Variants in NKAIN2 observed in about 807,000 individuals in gnomAD.
The protein encoded by NKAIN2 is sodium/potassium transporting ATPase interacting 2.
A neutral mutation model predicts 32.6 loss-of-function variants in NKAIN2; 14 were observed. The ratio of observed to expected loss-of-function variants is 0.43; its 90% CI spans 0.28 to 0.67. NKAIN2 has a LOEUF of 0.67. Among genes scored for constraint, NKAIN2 ranks in the 30% least tolerant of loss-of-function variants. The probability of loss-of-function intolerance (pLI) is 0.17; values close to 1 mark genes in which losing one functional copy is unlikely to be tolerated. For synonymous variants in NKAIN2, 80 were observed against 87.2 expected, an observed-to-expected ratio of 0.92 and a Z score of 0.46; for missense variants, 198 against 258.3, an observed-to-expected ratio of 0.77 and a Z score of 1.60.
At chr6:124,000,118 C>T (rs972122859) in intron 1 of NKAIN2, among the ~76,000 whole-genome samples, 3 of 152,100 alleles carry the variant, frequency 2.0e-5, no homozygotes, top group African/African-American at 2.4e-5. Flanking sequence ...AACATTTCAT[C>T]GTCTTCCAAA....
intron 1 of NKAIN2, among the ~76,000 whole-genome samples, chr6:124,218,690 A>G (rs999766174): frequency 6.6e-6 from 1 of 152,180 alleles, no homozygotes; most frequent in Non-Finnish European, 1.5e-5. Context: ...TTCTGACATA[A>G]TTCTAATCAA....
intron 3 of NKAIN2, among the ~76,000 whole-genome samples, chr6:124,491,200 C>G (rs1281700712): frequency 2.6e-5 from 4 of 151,750 alleles, no homozygotes; most frequent in African/African-American, 9.7e-5. Context: ...AAAGAGTTAC[C>G]ATTGTGCCCA....
intron 3 of NKAIN2, among the ~76,000 whole-genome samples, chr6:124,599,082 A>G (rs148093100): frequency 6.6e-5 from 10 of 151,458 alleles, no homozygotes; most frequent in African/African-American, 2.4e-4. Flanking sequence ...AACCGAAAAT[A>G]TCATCACAGG....
At chr6:124,400,832 A>T (rs1481489606) in intron 3 of NKAIN2, among the ~76,000 whole-genome samples, 2 of 152,076 alleles carry the variant, frequency 1.3e-5, no homozygotes, top group Non-Finnish European at 1.5e-5. Flanking sequence ...TTCCATGCTC[A>T]CTCTCCTAAT....
At chr6:124,692,748 G>C (rs1288570932) in intron 4 of NKAIN2, among the ~76,000 whole-genome samples, 8 of 151,304 alleles carry the variant, frequency 5.3e-5, no homozygotes, top group Admixed American at 3.9e-4. Flanking sequence ...CCTGGGAGGC[G>C]GAGGTTGCAG....
chr6:124,396,340 A>G (rs1450295950), intron 3 of NKAIN2, among the ~76,000 whole-genome samples: 2 of 151,464 alleles, frequency 1.3e-5, no homozygotes, highest in East Asian at 3.9e-4. Flanking sequence ...AAGCAAAGAG[A>G]GTGGCTGGGA....
intron 1 of NKAIN2, among the ~76,000 whole-genome samples, chr6:124,195,056 G>C (rs966361202): frequency 7.3e-5 from 10 of 137,316 alleles, no homozygotes; most frequent in African/African-American, 2.7e-4. Flanking sequence ...TTTATTTTTT[G>C]TGTTCTATTC....
intron 3 of NKAIN2, among the ~76,000 whole-genome samples, chr6:124,606,992 T>C (rs894569572): frequency 1.3e-5 from 2 of 152,158 alleles, no homozygotes; most frequent in African/African-American, 4.8e-5. Flanking sequence ...TGAGTAAAGA[T>C]GAACTGTCAG....
chr6:124,135,840 A>T (rs1458993011), intron 1 of NKAIN2, among the ~76,000 whole-genome samples: 1 of 152,168 alleles, frequency 6.6e-6, no homozygotes, highest in African/African-American at 2.4e-5. Context: ...GAACAGTAAT[A>T]GTGACACAAC....
chr6:124,337,967 G>A (rs1306533501), intron 2 of NKAIN2, among the ~76,000 whole-genome samples: 18 of 152,118 alleles, frequency 1.2e-4, no homozygotes, highest in Admixed American at 2.0e-4. Context: ...TGTACCTTAC[G>A]CATAGTATCA....
chr6:123,855,054 T>G (rs1775504660), intron 1 of NKAIN2, among the ~76,000 whole-genome samples: 1 of 152,190 alleles, frequency 6.6e-6, no homozygotes, highest in Non-Finnish European at 1.5e-5. Context: ...CAGCTATGAG[T>G]TTGAAAAGTG....
At chr6:124,216,948 T>C (rs1418865876) in intron 1 of NKAIN2, among the ~76,000 whole-genome samples, 1 of 152,102 alleles carries the variant, frequency 6.6e-6, no homozygotes, top group Non-Finnish European at 1.5e-5. Flanking sequence ...ATAACTATTA[T>C]AAATAACAAG....
chr6:124,736,328 G>C (rs1776938610), intron 4 of NKAIN2, among the ~76,000 whole-genome samples: 1 of 151,942 alleles, frequency 6.6e-6, no homozygotes, highest in Admixed American at 6.6e-5. Context: ...TAACATGAAA[G>C]TGTAAAATGA....
intron 3 of NKAIN2, among the ~76,000 whole-genome samples, chr6:124,406,687 T>A (rs1008038582): frequency 1.3e-5 from 2 of 152,136 alleles, no homozygotes; most frequent in Non-Finnish European, 2.9e-5. Context: ...TGTACCATTT[T>A]ACGTTCTTAC....
intron 4 of NKAIN2, among the ~76,000 whole-genome samples, chr6:124,675,550 A>C (rs1348078015): frequency 4.0e-5 from 6 of 151,846 alleles, no homozygotes; most frequent in African/African-American, 1.5e-4. Flanking sequence ...CTCAGTTCAG[A>C]TTTTCTATTT....
At chr6:124,139,233 C>T (rs1787015761) in intron 1 of NKAIN2, among the ~76,000 whole-genome samples, 4 of 149,554 alleles carry the variant, frequency 2.7e-5, no homozygotes, top group South Asian at 2.1e-4. Flanking sequence ...GGACTACAGG[C>T]GCCCGCCACC....
At chr6:124,458,990 C>T (rs192237654) in intron 3 of NKAIN2, among the ~76,000 whole-genome samples, 10 of 151,938 alleles carry the variant, frequency 6.6e-5, no homozygotes, top group African/African-American at 2.4e-4. Flanking sequence ...TGGGTCAAGC[C>T]ATCAGACAAA....
chr6:123,890,546 G>T (rs9490988), intron 1 of NKAIN2, among the ~76,000 whole-genome samples: 1,889 of 151,998 alleles, frequency 0.012, 43 homozygotes, highest in African/African-American at 0.043. Context: ...AAGAAGAAAT[G>T]CATGTTGGGT....
chr6:124,588,326 A>C (rs1781785904), intron 3 of NKAIN2, among the ~76,000 whole-genome samples: 1 of 152,194 alleles, frequency 6.6e-6, no homozygotes. Flanking sequence ...TTTCTTTACT[A>C]AAATTCTCAT....
Sources: allele counts gnomAD v4.1 joint callset (sites outside exome capture counted in the v4.1 genomes callset), GRCh38; gene constraint gnomAD v4.1.1; transcripts MANE v1.5; gene names NCBI Gene and HGNC (gene_info 2026-07-23, HGNC 2026-07-21).